SLC43A2: variants seen among roughly 807,000 people sequenced by gnomAD.
The protein encoded by SLC43A2 is solute carrier family 43 member 2.
SLC43A2 carries 38 observed loss-of-function variants against 63.2 expected under a neutral mutation model. The ratio of observed to expected loss-of-function variants is 0.60; its 90% CI spans 0.46 to 0.79. The LOEUF is 0.79. SLC43A2 is among the 30% of genes least tolerant of loss of function. The probability of loss-of-function intolerance (pLI) is 0.00; values close to 1 mark genes in which losing one functional copy is unlikely to be tolerated. For missense variants in SLC43A2, 644 were observed against 756.2 expected, an observed-to-expected ratio of 0.85 and a Z score of 1.74; for synonymous variants, 322 against 331.0, an observed-to-expected ratio of 0.97 and a Z score of 0.30.
intron 3 of SLC43A2, among the ~76,000 whole-genome samples, chr17:1,616,143 C>T (rs933271277): frequency 6.0e-5 from 9 of 151,120 alleles, no homozygotes; most frequent in African/African-American, 9.7e-5. Flanking sequence ...TCTGGTGGAG[C>T]TATAAGGTCA....
chr17:1,580,505 C>G (rs1204598256), intron 11 of SLC43A2, among the ~76,000 whole-genome samples: 1 of 152,188 alleles, frequency 6.6e-6, no homozygotes, highest in East Asian at 1.9e-4. Flanking sequence ...GCCCTCTCAC[C>G]TCCCTCGTGA....
chr17:1,627,818 G>T lies in SLC43A2; in HGVS notation c.57C>A (p.Ala19=), dbSNP rs1414466255. ...CCGAGAAGAGGAGGTTCTCCAGCAC[G>T]GCCGTGCAGGCCATCCACCAGCGGC... ...HRRRWWMACT[A]VLENLLFSAV... The change falls in exon 2 of 14, where the codon GCC becomes GCA. Residue 19 remains alanine (A), a synonymous_variant. Coordinates refer to ENST00000301335, the MANE Select transcript of SLC43A2 (RefSeq NM_152346.3). The T allele has an allele frequency of 2.5e-6, 4 of 1,592,562 alleles. No homozygotes were observed. The Admixed American group carries it at 5.3e-5, about 21-fold the overall frequency.
chr17:1,578,305 G>A lies in SLC43A2; in HGVS notation c.1369C>T (p.His457Tyr), dbSNP rs1239240521. Residue 457 changes from histidine to tyrosine, a missense_variant, in exon 12 of 14, where the codon CAC becomes TAC. Around this residue, in one of 3 missense-constraint regions of SLC43A2, gnomAD observed 528 missense variants for 623.6 expected, o/e 0.85. Transcript: ENST00000301335. This position sits in a 1 kb window ranked among gnomAD's most constrained non-coding sequence, Gnocchi z 6.5. ...TGGATGAATCCTCGCACGATTGTGT[G>A]CAGGATGAAGGAGAGGATCTGGGGG... ...LPLQILSFIL[H>Y]TIVRGFIHSA... 6.2e-7 allele frequency: 1 copy of A among 1,613,972 alleles called. No homozygotes were observed. The highest frequency in any genetic ancestry group is 8.5e-7 in the Non-Finnish European group (1 of 1,179,980).
At chr17:1,620,210 C>CA (rs1908027437) in intron 2 of SLC43A2, among the ~76,000 whole-genome samples, 1 of 152,076 alleles carries the variant, frequency 6.6e-6, no homozygotes, top group Non-Finnish European at 1.5e-5. Flanking sequence ...ACTACAAATA[C>CA]AAAAAAATTT....
intron 5 of SLC43A2, among the ~76,000 whole-genome samples, chr17:1,595,050 G>C (rs575305923): frequency 6.6e-6 from 1 of 150,602 alleles, no homozygotes; most frequent in Non-Finnish European, 1.5e-5. Flanking sequence ...GAGAGACAAG[G>C]GGGGCAGATC....
rs571211393 is a variant in SLC43A2 at position 1,619,131 on chromosome 17, C to A, written c.161-2362G>T. ...ACCAGCCTGGCCAATATGGTGAAAC[C>A]CCATCTCTACTAAAAATACAAAAAT... On this transcript the variant is annotated intron_variant, in intron 2 of 13. Coordinates refer to ENST00000301335, the MANE Select transcript of SLC43A2 (RefSeq NM_152346.3). Among the ~76,000 whole-genome samples the A allele has an allele frequency of 2.0e-5, 3 of 152,040 alleles. No homozygotes were observed. In the South Asian group the frequency reaches 6.2e-4, roughly 32 times the overall value.
Position 1,575,409 on chromosome 17 carries a change from G to A in SLC43A2, c.*195C>T, listed in dbSNP as rs968171810. 1.4e-6 allele frequency: 1 copy of A among 700,032 alleles called. No individual in the cohort carries two copies. Among genetic ancestry groups the A allele is most frequent in the Non-Finnish European group, 2.3e-6 (1 of 428,514 alleles). 43.4% of individuals were successfully genotyped at this position (700,032 alleles called of 1,614,324 possible). Reference sequence around the variant, plus strand: ...GTCAGGGCAGCCCCTGCGTTCGGCAGGAGAAAACGCGCGTGTCCGGGGCCC... The same window carrying A: ...GTCAGGGCAGCCCCTGCGTTCGGCAAGAGAAAACGCGCGTGTCCGGGGCCC... On this transcript the variant is annotated 3_prime_UTR_variant, in exon 14 of 14. Transcript: ENST00000301335.
chr17:1,581,948 A>G (rs973189624), intron 11 of SLC43A2, among the ~76,000 whole-genome samples: 2 of 151,606 alleles, frequency 1.3e-5, no homozygotes, highest in African/African-American at 4.8e-5. Context: ...CTGGGATTAC[A>G]GGCATGTGCC....
At chr17:1,587,451 T>C (rs2076122181) in intron 9 of SLC43A2, among the ~76,000 whole-genome samples, 1 of 152,202 alleles carries the variant, frequency 6.6e-6, no homozygotes. Context: ...ATGGGTCTCC[T>C]CCAGATGGCC....
intron 6 of SLC43A2, 40 bp from the exon 7 acceptor site, chr17:1,591,739 G>GGGGGGGGGGGGGGGGCGGGGC: frequency 2.0e-6 from 1 of 512,310 alleles, no homozygotes; most frequent in Non-Finnish European, 3.9e-6. Flanking sequence ...GGGGGAGGGG[G>GGGGGGGGGGGGGGGGCGGGGC]CAGAGTTAGC....
chr17:1,590,916 G>T lies in SLC43A2; in HGVS notation c.964C>A (p.Pro322Thr), dbSNP rs1375114331. The change falls in exon 9 of 14, where the codon CCC becomes ACC. Residue 322 changes from proline to threonine, a missense_variant. By Grantham distance (38) the Pro-to-Thr change is conservative. This residue lies in a region of SLC43A2 where 528 missense variants were observed against 623.6 expected (regional missense o/e 0.85). Coordinates refer to ENST00000301335, the MANE Select transcript of SLC43A2 (RefSeq NM_152346.3). ...APSFMHSVFS[P>T]ILLLSLVTMC... ...GTGACCAGGCTGAGCAGCAGGATGG[G>T]GCTGAACACGCTGTGCATGAAGGAG... 3 of 1,551,564 alleles carry T rather than the reference G, an allele frequency of 1.9e-6. No homozygotes were observed. The African/African-American group carries it at 4.1e-5, about 21-fold the overall frequency.
chr17:1,598,709 G>C (rs1243117320), intron 5 of SLC43A2, among the ~76,000 whole-genome samples: 1 of 152,150 alleles, frequency 6.6e-6, no homozygotes, highest in East Asian at 1.9e-4. Flanking sequence ...CAGGGCCCTG[G>C]GGTGACCATG....
rs1351092330 is a variant in SLC43A2, at chr17:1,577,507, C to T, written c.1424+743G>A. 2.6e-5 allele frequency among the ~76,000 whole-genome samples: 4 copies of T among 152,326 alleles called. No homozygotes were observed. In the East Asian group the frequency reaches 7.7e-4, roughly 29 times the overall value. ...GAGGGCAAGCGGAGCTGGGATTACC[C>T]CAGGGGCTGTTGCGGGAATTGGGAG... On this transcript the variant is annotated intron_variant, in intron 12 of 13. Coordinates refer to ENST00000301335, the MANE Select transcript of SLC43A2 (RefSeq NM_152346.3). This position sits in a 1 kb window ranked among gnomAD's most constrained non-coding sequence, Gnocchi z 4.9.
intron 9 of SLC43A2, among the ~76,000 whole-genome samples, chr17:1,588,038 C>G (rs1904378449): frequency 6.6e-6 from 1 of 152,232 alleles, no homozygotes; most frequent in Non-Finnish European, 1.5e-5. Flanking sequence ...AGTGAGGCAG[C>G]AGTGCCCACT....
At chr17:1,612,946 TG>T (rs1170922087) in intron 5 of SLC43A2, among the ~76,000 whole-genome samples, 1 of 149,226 alleles carries the variant, frequency 6.7e-6, no homozygotes, top group Non-Finnish European at 1.5e-5. Context: ...CACTCCAGCC[TG>T]GGCGACAGAG....
At chr17:1,588,361 G>A (rs994317397) in intron 9 of SLC43A2, among the ~76,000 whole-genome samples, 10 of 151,234 alleles carry the variant, frequency 6.6e-5, no homozygotes, top group African/African-American at 1.2e-4. Flanking sequence ...GCTCCAGCCC[G>A]GGTGACAAGA....
At chr17:1,614,952 C>T (rs1598486488) in intron 4 of SLC43A2, 27 bp downstream of exon 4, 2 of 1,612,630 alleles carry the variant, frequency 1.2e-6, no homozygotes, top group Non-Finnish European at 1.7e-6. Context: ...CGGTCCCTGA[C>T]AGAAGATGGA....
chr17:1,620,500 A>ACT (rs1409962397), intron 2 of SLC43A2, among the ~76,000 whole-genome samples: 1 of 152,120 alleles, frequency 6.6e-6, no homozygotes, highest in Admixed American at 6.5e-5. Context: ...CCCTGGAGCG[A>ACT]CTACACACAG....
chr17:1,605,280 G>A lies in SLC43A2; in HGVS notation c.501+7915C>T, dbSNP rs191933972. On this transcript the variant is annotated intron_variant, in intron 5 of 13. Coordinates refer to ENST00000301335, the MANE Select transcript of SLC43A2 (RefSeq NM_152346.3). The surrounding 1 kb of genome is among the most constrained non-coding windows in gnomAD (Gnocchi z 4.9). ...CTGCAGCATAAACAGGCCGGACTGT[G>A]TGACCTTCCCAGAGGGGAAAACAGC... 1.4e-4 allele frequency: 146 copies of A among 1,025,394 alleles called. No individual in the cohort carries two copies. In the African/African-American group the frequency reaches 2.3e-3, roughly 16 times the overall value. 63.5% of individuals were successfully genotyped at this position (1,025,394 alleles called of 1,614,324 possible). A position where few individuals can be genotyped will look rare whatever the true frequency, so the allele number is the denominator to read the frequency against.
Sources: allele counts gnomAD v4.1 joint callset (sites outside exome capture counted in the v4.1 genomes callset), GRCh38; gene constraint gnomAD v4.1.1; regional missense constraint gnomAD v4.1.1; non-coding constraint Gnocchi (gnomAD v3.1); transcripts MANE v1.5; gene names NCBI Gene and HGNC (gene_info 2026-07-23, HGNC 2026-07-21).